Variants in ECHDC1 observed in about 807,000 individuals in gnomAD.
ECHDC1 encodes ethylmalonyl-CoA decarboxylase.
In ECHDC1, 29 loss-of-function variants were observed where a neutral mutation model predicts 29.7. That is an observed-to-expected ratio of 0.98 (90% CI 0.73 to 1.33). The LOEUF is 1.33. Ranked by LOEUF, ECHDC1 falls within the 40% of genes most tolerant of loss-of-function variation. ECHDC1 has a pLI of 0.00. For synonymous variants in ECHDC1, 126 were observed against 123.1 expected, an observed-to-expected ratio of 1.02 and a Z score of -0.15; for missense variants, 328 against 350.0, an observed-to-expected ratio of 0.94 and a Z score of 0.50.
intron 2 of ECHDC1, 35 bp downstream of exon 2, chr6:127,330,774 G>A (rs993879236): frequency 3.2e-6 from 5 of 1,560,020 alleles, no homozygotes; most frequent in Non-Finnish European, 4.4e-6. Flanking sequence ...TTTAGATTTA[G>A]TGTCATTCTT....
intron 3 of ECHDC1, 31 bp from the exon 4 acceptor site, chr6:127,316,533 G>C: frequency 6.4e-7 from 1 of 1,554,404 alleles, no homozygotes; most frequent in Non-Finnish European, 8.7e-7. Flanking sequence ...AAACACAAAG[G>C]TATAATGCAA....
At chr6:127,326,852 AATC>A in intron 3 of ECHDC1, 147 bp downstream of exon 3, 1 of 798,412 alleles carries the variant, frequency 1.3e-6, no homozygotes, top group Non-Finnish European at 1.9e-6. Flanking sequence ...TTCCTCCTAT[AATC>A]CTACCAAAAA....
chr6:127,317,606 GAAACTCTATAAAA>G (rs1408924200), intron 3 of ECHDC1, among the ~76,000 whole-genome samples: 1 of 152,070 alleles, frequency 6.6e-6, no homozygotes, highest in East Asian at 1.9e-4. Flanking sequence ...AATATACCTA[GAAACTCTATAAAA>G]GATTGCATAA....
At chr6:127,337,074 C>T (rs566535841) in intron 1 of ECHDC1, among the ~76,000 whole-genome samples, 2 of 151,404 alleles carry the variant, frequency 1.3e-5, no homozygotes, top group South Asian at 4.2e-4. Context: ...TTTATTTAAC[C>T]CTGTATATTG....
chr6:127,305,343 G>A (rs1412969355), intron 5 of ECHDC1, among the ~76,000 whole-genome samples: 1 of 152,110 alleles, frequency 6.6e-6, no homozygotes, highest in Non-Finnish European at 1.5e-5. Flanking sequence ...CTTCAAACAT[G>A]AAAGAGAAAT....
chr6:127,315,002 C>T lies in ECHDC1; in HGVS notation c.417-106G>A, dbSNP rs111828900. Reference sequence around the variant, plus strand: ...AAATGCAGTGGAAACAAAATTATTGCACTGTCTTCATAAAAACAAACACAC... The same window carrying T: ...AAATGCAGTGGAAACAAAATTATTGTACTGTCTTCATAAAAACAAACACAC... On this transcript the variant is annotated intron_variant, in intron 4 of 5. Coordinates refer to ENST00000454859, the MANE Select transcript of ECHDC1 (RefSeq NM_001002030.2). 6.1e-6 allele frequency: 6 copies of T among 978,138 alleles called. 1 individual carries two copies. In the African/African-American group the frequency reaches 8.1e-5, roughly 13 times the overall value. 60.6% of individuals were successfully genotyped at this position (978,138 alleles called of 1,614,324 possible).
chr6:127,330,088 C>T (rs1162388656), intron 2 of ECHDC1, among the ~76,000 whole-genome samples: 1 of 152,134 alleles, frequency 6.6e-6, no homozygotes, highest in African/African-American at 2.4e-5. Context: ...GGAGAGATTA[C>T]TAAAATCAAC....
intron 1 of ECHDC1, among the ~76,000 whole-genome samples, chr6:127,337,979 T>C (rs1237421930): frequency 1.3e-5 from 2 of 152,212 alleles, no homozygotes; most frequent in Non-Finnish European, 2.9e-5. Context: ...AAGACAAATA[T>C]TTTCAAACAG....
At chr6:127,321,902 C>T (rs1782857106) in intron 3 of ECHDC1, among the ~76,000 whole-genome samples, 1 of 152,038 alleles carries the variant, frequency 6.6e-6, no homozygotes, top group Non-Finnish European at 1.5e-5. Flanking sequence ...ACTTGGGAGG[C>T]TGAGGCAGGA....
At chr6:127,332,917 C>T (rs186742546) in intron 1 of ECHDC1, among the ~76,000 whole-genome samples, 11 of 152,194 alleles carry the variant, frequency 7.2e-5, no homozygotes, top group Non-Finnish European at 2.9e-5. Flanking sequence ...CTAAGCCTCC[C>T]GAGTAGCTGG....
chr6:127,299,243 G>T (rs1225649473), intron 5 of ECHDC1, among the ~76,000 whole-genome samples: 1 of 152,004 alleles, frequency 6.6e-6, no homozygotes, highest in Non-Finnish European at 1.5e-5. Context: ...CCTCAGGCAG[G>T]TCCTTCAGGA....
rs188706660 is a variant in ECHDC1 at position 127,289,865 on chromosome 6, C to T, written c.*4G>A. The T allele has an allele frequency of 4.2e-5, 68 of 1,603,202 alleles. No homozygotes were observed. The African/African-American group carries it at 8.9e-4, about 21-fold the overall frequency. ...ACTTGGAGTACATCCACACGAAAAA[C>T]CAATTATTTATTAAATTTTCCTTTC... On this transcript the variant is annotated 3_prime_UTR_variant, in exon 6 of 6. Transcript: ENST00000454859.
At chr6:127,311,669 CAAAA>C (rs71272311) in intron 5 of ECHDC1, among the ~76,000 whole-genome samples, 2 of 25,034 alleles carry the variant, frequency 8.0e-5, no homozygotes, top group South Asian at 5.2e-3. Context: ...GGCTCTGTCT[CAAAA>C]AAAAAAAAAA....
rs1351483876 is a variant in ECHDC1 at position 127,330,909 on chromosome 6, T to C, written c.120A>G (p.Thr40=). 2 of 1,614,162 alleles carry C rather than the reference T, an allele frequency of 1.2e-6. No individual in the cohort carries two copies. Among genetic ancestry groups the C allele is most frequent in the Admixed American group, 3.3e-5 (2 of 60,028 alleles). The change falls in exon 2 of 6, where the codon ACA becomes ACG. Residue 40 remains threonine, a synonymous_variant. Coordinates refer to ENST00000454859, the MANE Select transcript of ECHDC1 (RefSeq NM_001002030.2). ...TGGATCCACCAGGAAACTGCTGAAG[T>C]GTTTTTTTCACTTCTTCCTCATAAA... ...HGFYEEEVKK[T]LQQFPGGSID...
chr6:127,289,778 G>GT lies in ECHDC1; in HGVS notation c.*90dup. The GT allele has an allele frequency of 7.8e-7, 1 of 1,282,064 alleles. No homozygotes were observed. Among genetic ancestry groups the GT allele is most frequent in the Non-Finnish European group, 1.1e-6 (1 of 939,786 alleles). 79.4% of individuals were successfully genotyped at this position (1,282,064 alleles called of 1,614,324 possible). On this transcript the variant is annotated 3_prime_UTR_variant, in exon 6 of 6. Transcript: ENST00000454859. ...CTGCATATTAATAGTAGCCTTCAAAGTAATTCTGATGTTCATATTTAATAT... is the reference window on the plus strand; with the variant it reads ...CTGCATATTAATAGTAGCCTTCAAAGTTAATTCTGATGTTCATATTTAATAT...
chr6:127,307,208 C>CA (rs1212542291), intron 5 of ECHDC1, among the ~76,000 whole-genome samples: 3 of 151,856 alleles, frequency 2.0e-5, no homozygotes, highest in Non-Finnish European at 4.4e-5. Flanking sequence ...GTGCCTACAT[C>CA]AAAAAACAAG....
intron 3 of ECHDC1, among the ~76,000 whole-genome samples, chr6:127,319,643 T>C (rs1287895084): frequency 6.6e-6 from 1 of 152,192 alleles, no homozygotes; most frequent in African/African-American, 2.4e-5. Context: ...ATATCTGTGA[T>C]AGAGTAAGCT....
At chr6:127,303,099 T>C (rs1781178195) in intron 5 of ECHDC1, among the ~76,000 whole-genome samples, 1 of 152,146 alleles carries the variant, frequency 6.6e-6, no homozygotes. Context: ...ATATTTTAAC[T>C]GATGAATTGA....
At chr6:127,320,693 A>G (rs921329191) in intron 3 of ECHDC1, among the ~76,000 whole-genome samples, 1 of 151,992 alleles carries the variant, frequency 6.6e-6, no homozygotes, top group Non-Finnish European at 1.5e-5. Flanking sequence ...ATTTAAATAT[A>G]TTTTTTTCTA....
Sources: allele counts gnomAD v4.1 joint callset (sites outside exome capture counted in the v4.1 genomes callset), GRCh38; gene constraint gnomAD v4.1.1; transcripts MANE v1.5; gene names NCBI Gene and HGNC (gene_info 2026-07-23, HGNC 2026-07-21).